Variants in KCNK5 observed in about 807,000 individuals in gnomAD.
KCNK5 encodes the protein potassium channel subfamily K member 5.
Under a neutral mutation model 32.9 loss-of-function variants are expected in KCNK5, and 18 were observed. That is an observed-to-expected ratio of 0.55 (90% confidence interval 0.38 to 0.81). The LOEUF (loss-of-function observed/expected upper bound fraction) is 0.81, where lower values mean the gene tolerates loss of function less well. Among genes scored for constraint, KCNK5 ranks in the 30% least tolerant of loss-of-function variants. The pLI, the probability that KCNK5 is intolerant of heterozygous loss-of-function variation, is 0.00. For synonymous variants in KCNK5, 276 were observed against 275.3 expected, an observed-to-expected ratio of 1.00 and a Z score of -0.03; for missense variants, 507 against 651.0, an observed-to-expected ratio of 0.78 and a Z score of 2.41.
chr6:39,221,062 G>A (rs894668683), intron 1 of KCNK5, among the ~76,000 whole-genome samples: 1 of 152,164 alleles, frequency 6.6e-6, no homozygotes, highest in Non-Finnish European at 1.5e-5. Context: ...ACATAGAAGA[G>A]AATAGTTCAC....
chr6:39,208,837 C>A (rs1021367669), intron 1 of KCNK5, among the ~76,000 whole-genome samples: 1 of 152,244 alleles, frequency 6.6e-6, no homozygotes, highest in African/African-American at 2.4e-5. Flanking sequence ...TGCCTATAAT[C>A]CCAGCACTTT....
At chr6:39,217,118 C>CAAAAAAAAAAAAAAAAAAAAAAAAAAAA (rs57204833) in intron 1 of KCNK5, among the ~76,000 whole-genome samples, 5 of 74,442 alleles carry the variant, frequency 6.7e-5, no homozygotes, top group Non-Finnish European at 8.0e-5. Context: ...AAAACTCCAT[C>CAAAAAAAAAAAAAAAAAAAAAAAAAAAA]AAAAAAAAAA....
chr6:39,194,451 G>T lies in KCNK5; in HGVS notation c.466-114C>A. On this transcript the variant is annotated intron_variant, in intron 3 of 4. Coordinates refer to ENST00000359534, the MANE Select transcript of KCNK5 (RefSeq NM_003740.4). This position sits in a 1 kb window ranked among gnomAD's most constrained non-coding sequence, Gnocchi z 4.7. ...GAGAAGCTAGCTGGGTACCCAGCCT[G>T]ACCCGGGAGGGCAAGGAGCTCTGAA... is the stretch of plus-strand genomic sequence containing the variant. 1.4e-6 allele frequency: 2 copies of T among 1,435,824 alleles called. No individual in the cohort carries two copies. The highest frequency in any genetic ancestry group is 1.4e-5 in the South Asian group (1 of 73,872). The allele number at this position is 1,435,824 out of a possible 1,614,324, so 88.9% of individuals were successfully genotyped here. A position where few individuals can be genotyped will look rare whatever the true frequency, so the allele number is the denominator to read the frequency against.
chr6:39,205,906 T>C (rs1771216551), intron 1 of KCNK5, among the ~76,000 whole-genome samples: 1 of 152,146 alleles, frequency 6.6e-6, no homozygotes, highest in Non-Finnish European at 1.5e-5. Flanking sequence ...GCCTGGCTCA[T>C]TCCTCCCCGA....
Position 39,199,486 on chromosome 6 carries a change from C to T in KCNK5, c.187-3499G>A, listed in dbSNP as rs562412487. On this transcript the variant is annotated intron_variant, in intron 1 of 4. Transcript: ENST00000359534. Reference sequence around the variant, plus strand: ...CCCTCTGTGGTTGCCCAACAAGGGGCGGGCAAAGGAGGCACTGGAGAGAGC... The same window carrying T: ...CCCTCTGTGGTTGCCCAACAAGGGGTGGGCAAAGGAGGCACTGGAGAGAGC... Among the ~76,000 whole-genome samples, 5 of 152,270 alleles carry T rather than the reference C, an allele frequency of 3.3e-5. No individual in the cohort carries two copies. The South Asian group carries it at 6.2e-4, about 19-fold the overall frequency.
rs11969089 is a variant in KCNK5 at position 39,204,645 on chromosome 6, C to T, written c.187-8658G>A. ...TGCGAACCAGGATGCTGCAAAGCTC[C>T]CCCAGGTGATTCTAATCTTATGTTC... On this transcript the variant is annotated intron_variant, in intron 1 of 4. Coordinates refer to ENST00000359534, the MANE Select transcript of KCNK5 (RefSeq NM_003740.4). 8.3e-3 allele frequency among the ~76,000 whole-genome samples: 1,267 copies of T among 152,322 alleles called. 11 individuals are homozygous for T. Among genetic ancestry groups the T allele is most frequent in the Middle Eastern group, 0.024 (7 of 294 alleles).
At chr6:39,198,232 G>C (rs1040415408) in intron 1 of KCNK5, among the ~76,000 whole-genome samples, 2 of 152,226 alleles carry the variant, frequency 1.3e-5, no homozygotes, top group Admixed American at 1.3e-4. Context: ...TGTCAGTGGA[G>C]CCAGGATTAA....
intron 4 of KCNK5, among the ~76,000 whole-genome samples, chr6:39,193,768 T>C (rs1304101569): frequency 5.3e-5 from 8 of 152,064 alleles, no homozygotes; most frequent in Admixed American, 1.3e-4. Flanking sequence ...TTGTGAAAGA[T>C]GAAAGGCTGC....
At position 39,229,134 on chromosome 6, in the gene KCNK5, A is replaced by G. The variant is rs1771725075; in HGVS notation, c.-23T>C. 2 of 1,612,414 alleles carry G rather than the reference A, an allele frequency of 1.2e-6. No individual in the cohort carries two copies. Among genetic ancestry groups the G allele is most frequent in the East Asian group, 2.2e-5 (1 of 44,850 alleles). On this transcript the variant is annotated 5_prime_UTR_variant, in exon 1 of 5. Coordinates refer to ENST00000359534, the MANE Select transcript of KCNK5 (RefSeq NM_003740.4). ...CATGGCTCCCGAGCGGCCGCCTCCT[A>G]GAGAAAGCCTCTCCTAGCCCCAGCT...
intron 1 of KCNK5, among the ~76,000 whole-genome samples, chr6:39,210,728 G>A (rs910940887): frequency 3.9e-5 from 6 of 152,194 alleles, no homozygotes; most frequent in South Asian, 2.1e-4. Context: ...ACAGGCAGGA[G>A]TCGGGAAAGA....
Position 39,227,248 on chromosome 6 carries a change from G to A in KCNK5, c.186+1678C>T, listed in dbSNP as rs920626946. 3.9e-5 allele frequency among the ~76,000 whole-genome samples: 6 copies of A among 152,000 alleles called. 1 individual carries two copies. Among genetic ancestry groups the A allele is most frequent in the Non-Finnish European group, 7.4e-5 (5 of 68,006 alleles). Reference sequence around the variant, plus strand: ...CAGCTTAGAGGGAAACACTTCGAGGGCAGCTCAAGGCTTTATCATCCTTGC... The same window carrying A: ...CAGCTTAGAGGGAAACACTTCGAGGACAGCTCAAGGCTTTATCATCCTTGC... On this transcript the variant is annotated intron_variant, in intron 1 of 4. Transcript: ENST00000359534.
rs1771001485 is a variant in KCNK5 at position 39,194,825 on chromosome 6, AC to A, written c.299-66del. The A allele has an allele frequency of 6.4e-5, 86 of 1,346,272 alleles. No homozygotes were observed. Among genetic ancestry groups the A allele is most frequent in the Non-Finnish European group, 8.4e-5 (79 of 945,814 alleles). The allele number at this position is 1,346,272 out of a possible 1,614,324, so 83.4% of individuals were successfully genotyped here. ...GTCAAACCAGTGGGCCTTGCTTCCA[AC>A]ACACACACAGCCCGTTCTCTAAGAT... On this transcript the variant is annotated intron_variant, in intron 2 of 4. Coordinates refer to ENST00000359534, the MANE Select transcript of KCNK5 (RefSeq NM_003740.4). The surrounding 1 kb of genome is among the most constrained non-coding windows in gnomAD (Gnocchi z 4.7).
At chr6:39,217,425 A>G (rs1490772312) in intron 1 of KCNK5, among the ~76,000 whole-genome samples, 1 of 152,182 alleles carries the variant, frequency 6.6e-6, no homozygotes, top group East Asian at 1.9e-4. Flanking sequence ...TGGAGCAGTG[A>G]TCTGATGGGA....
At chr6:39,212,594 G>C (rs1018224205) in intron 1 of KCNK5, among the ~76,000 whole-genome samples, 2 of 152,216 alleles carry the variant, frequency 1.3e-5, no homozygotes, top group Non-Finnish European at 2.9e-5. Flanking sequence ...GCCCCCACGG[G>C]ACCGGGTGGA....
chr6:39,203,691 G>A (rs1771171330), intron 1 of KCNK5, among the ~76,000 whole-genome samples: 1 of 152,204 alleles, frequency 6.6e-6, no homozygotes, highest in Non-Finnish European at 1.5e-5. Flanking sequence ...TCTCGGTACA[G>A]GCTGCCCAGT....
chr6:39,201,170 CATGGGTTAATGGGTTA>C (rs999971433), intron 1 of KCNK5, among the ~76,000 whole-genome samples: 1 of 152,214 alleles, frequency 6.6e-6, no homozygotes, highest in Non-Finnish European at 1.5e-5. Context: ...GTCAGTGGTT[CATGGGTTAATGGGTTA>C]ATGGGTTAAT....
rs1771023287 is a variant in KCNK5 at position 39,195,937 on chromosome 6, G to A, written c.237C>T (p.Thr79=). 1.2e-6 allele frequency: 2 copies of A among 1,613,962 alleles called. No individual in the cohort carries two copies. Among genetic ancestry groups the A allele is most frequent in the Non-Finnish European group, 1.7e-6 (2 of 1,179,932 alleles). The change falls in exon 2 of 5, where the codon ACC becomes ACT. Residue 79 remains threonine (T), a synonymous_variant. Coordinates refer to ENST00000359534, the MANE Select transcript of KCNK5 (RefSeq NM_003740.4). ...CATTGGGCCAGTTCCAGTTGTTGAA[G>A]GTCTGGTTCCCTGTGATGGCCACAC... ...GQGVAITGNQ[T]FNNWNWPNAM... is the part of the protein sequence containing the mutation.
chr6:39,218,534 G>A lies in KCNK5; in HGVS notation c.186+10392C>T, dbSNP rs9471009. Among the ~76,000 whole-genome samples, 1,512 of 152,034 alleles carry A rather than the reference G, an allele frequency of 9.9e-3. 26 individuals carry two copies. Among genetic ancestry groups the A allele is most frequent in the African/African-American group, 0.034 (1,421 of 41,420 alleles). The stretch of plus-strand genomic sequence containing the variant: ...CCTTGGTGTCCCCATCTAGTGAATG[G>A]GATGGCATCCATTTGGCTGCCAGAC... On this transcript the variant is annotated intron_variant, in intron 1 of 4. Coordinates refer to ENST00000359534, the MANE Select transcript of KCNK5 (RefSeq NM_003740.4).
intron 1 of KCNK5, among the ~76,000 whole-genome samples, chr6:39,219,938 A>C (rs1474015119): frequency 1.3e-5 from 2 of 152,240 alleles, no homozygotes; most frequent in African/African-American, 2.4e-5. Context: ...CCAGAGAGGG[A>C]AAATATGGCC....
Sources: allele counts gnomAD v4.1 joint callset (sites outside exome capture counted in the v4.1 genomes callset), GRCh38; gene constraint gnomAD v4.1.1; non-coding constraint Gnocchi (gnomAD v3.1); transcripts MANE v1.5; gene names NCBI Gene and HGNC (gene_info 2026-07-23, HGNC 2026-07-21).